The following NOS1AP variants were observed in gnomAD, a reference collection of about 807,000 sequenced individuals.
The protein encoded by NOS1AP is carboxyl-terminal PDZ ligand of neuronal nitric oxide synthase protein.
NOS1AP carries 21 observed loss-of-function variants against 56.2 expected under a neutral mutation model. That is an observed-to-expected ratio of 0.37 (90% CI 0.26 to 0.54). The LOEUF is 0.54. Among genes scored for constraint, NOS1AP ranks in the 20% least tolerant of loss-of-function variants. The pLI, the probability that NOS1AP is intolerant of heterozygous loss-of-function variation, is 0.84. For synonymous variants in NOS1AP, 270 were observed against 274.6 expected (o/e 0.98, Z 0.17); for missense variants, 522 against 657.8 (o/e 0.79, Z 2.26).
chr1:162,290,874 A>G (rs1015378482), intron 3 of NOS1AP, among the ~76,000 whole-genome samples: 1 of 152,178 alleles, frequency 6.6e-6, no homozygotes, highest in African/African-American at 2.4e-5. Flanking sequence ...TGCCTCTCTC[A>G]GCTTCAACTG....
chr1:162,140,065 G>A (rs1333755556), intron 1 of NOS1AP, among the ~76,000 whole-genome samples: 1 of 152,182 alleles, frequency 6.6e-6, no homozygotes, highest in African/African-American at 2.4e-5. Context: ...CTAGCCTCAA[G>A]TGATCCACCT....
At chr1:162,273,481 A>C (rs1325274660) in intron 2 of NOS1AP, among the ~76,000 whole-genome samples, 1 of 151,968 alleles carries the variant, frequency 6.6e-6, no homozygotes, top group Non-Finnish European at 1.5e-5. Flanking sequence ...TCTGTTCTTG[A>C]CCTGGGAACA....
chr1:162,143,559 A>T (rs995895495), intron 1 of NOS1AP, among the ~76,000 whole-genome samples: 2 of 152,162 alleles, frequency 1.3e-5, no homozygotes, highest in Non-Finnish European at 2.9e-5. Flanking sequence ...GGCTCAAGCG[A>T]TCCTCCCACC....
At chr1:162,181,911 A>G (rs1651277764) in intron 2 of NOS1AP, among the ~76,000 whole-genome samples, 1 of 152,244 alleles carries the variant, frequency 6.6e-6, no homozygotes, top group South Asian at 2.1e-4. Context: ...GGATGACCTA[A>G]GAAGGCCAGC....
At position 162,312,171 on chromosome 1, in the gene NOS1AP, A is replaced by G. The variant is rs1315559335; in HGVS notation, c.344+11465A>G. ...AGGAATCGCCACACTGATTTCCACAATGGTTGAACTAGTTTACAGTCCCAC... is the reference window on the plus strand; with the variant it reads ...AGGAATCGCCACACTGATTTCCACAGTGGTTGAACTAGTTTACAGTCCCAC... On this transcript the variant is annotated intron_variant, in intron 4 of 9. Transcript: ENST00000361897. Among the ~76,000 whole-genome samples, 4 of 148,996 alleles carry G rather than the reference A, an allele frequency of 2.7e-5. No homozygotes were observed. In the East Asian group the frequency reaches 5.9e-4, roughly 22 times the overall value.
chr1:162,125,542 G>A (rs949498460), intron 1 of NOS1AP, among the ~76,000 whole-genome samples: 1 of 152,036 alleles, frequency 6.6e-6, no homozygotes, highest in Non-Finnish European at 1.5e-5. Context: ...TCCTTTCCCC[G>A]AGGTATGTTT....
chr1:162,277,634 G>A (rs563980230), intron 2 of NOS1AP, among the ~76,000 whole-genome samples: 2 of 152,322 alleles, frequency 1.3e-5, no homozygotes, highest in Admixed American at 1.3e-4. Context: ...ACTTGGGAGA[G>A]CATAGGAAAA....
At chr1:162,203,374 C>T (rs1381312368) in intron 2 of NOS1AP, among the ~76,000 whole-genome samples, 1 of 152,176 alleles carries the variant, frequency 6.6e-6, no homozygotes, top group African/African-American at 2.4e-5. Context: ...GGTCTGTGCT[C>T]TAATTGCATT....
chr1:162,120,691 C>G (rs1212369767), intron 1 of NOS1AP, among the ~76,000 whole-genome samples: 1 of 152,192 alleles, frequency 6.6e-6, no homozygotes, highest in African/African-American at 2.4e-5. Context: ...GGAACCGCCC[C>G]CCCCATGATT....
intron 2 of NOS1AP, among the ~76,000 whole-genome samples, chr1:162,177,499 A>G (rs1445540628): frequency 6.6e-6 from 1 of 152,150 alleles, no homozygotes; most frequent in Non-Finnish European, 1.5e-5. Flanking sequence ...GGAACCAGCC[A>G]TGGGTCTGGG....
At chr1:162,106,324 A>G (rs977412301) in intron 1 of NOS1AP, among the ~76,000 whole-genome samples, 7 of 152,140 alleles carry the variant, frequency 4.6e-5, no homozygotes, top group African/African-American at 1.2e-4. Flanking sequence ...GTCAGTCCCA[A>G]TGTGAGAACT....
At chr1:162,300,854 G>C (rs1401316542) in intron 4 of NOS1AP, 148 bp downstream of exon 4, 8 of 700,756 alleles carry the variant, frequency 1.1e-5, no homozygotes, top group Admixed American at 4.2e-5. Context: ...CATTAGATGT[G>C]AGTTCAAGAA....
intron 1 of NOS1AP, among the ~76,000 whole-genome samples, chr1:162,146,493 C>G (rs1422026804): frequency 1.3e-5 from 2 of 152,036 alleles, no homozygotes; most frequent in Non-Finnish European, 2.9e-5. Context: ...TCTGGCTGTC[C>G]CCGTCTCTGG....
intron 2 of NOS1AP, among the ~76,000 whole-genome samples, chr1:162,191,170 T>C (rs1044503717): frequency 1.3e-5 from 2 of 152,178 alleles, no homozygotes; most frequent in Admixed American, 6.5e-5. Context: ...AGCTCTTCTG[T>C]TGGCCTCACT....
chr1:162,124,193 C>T (rs182898281), intron 1 of NOS1AP, among the ~76,000 whole-genome samples: 12 of 152,052 alleles, frequency 7.9e-5, no homozygotes, highest in Non-Finnish European at 1.6e-4. Flanking sequence ...CATTGTATAG[C>T]GGTGAAGTCT....
In NOS1AP at chr1:162,365,518, C is replaced by T. The variant is rs1331890162; in HGVS notation, c.1054C>T (p.Leu352=). ...GGACATGCTCCAGCACATCTCCCTG[C>T]TGGTCAAGCAGGTGCAAGAGCTGGA... ...NKDMLQHISL[L]VKQVQELELK... The change falls in exon 9 of 10, where the codon CTG becomes TTG. Residue 352 remains leucine (L), a synonymous_variant. Transcript: ENST00000361897. 2 of 1,613,638 alleles carry T rather than the reference C, an allele frequency of 1.2e-6. No individual in the cohort carries two copies. The highest frequency in any genetic ancestry group is 1.7e-6 in the Non-Finnish European group (2 of 1,180,042).
intron 4 of NOS1AP, among the ~76,000 whole-genome samples, chr1:162,330,303 A>G (rs921255238): frequency 6.6e-6 from 1 of 152,196 alleles, no homozygotes; most frequent in Non-Finnish European, 1.5e-5. Context: ...GGAACCTCCC[A>G]TGTGCCAATC....
At chr1:162,324,662 A>G (rs1216591589) in intron 4 of NOS1AP, among the ~76,000 whole-genome samples, 6 of 152,026 alleles carry the variant, frequency 3.9e-5, no homozygotes, top group East Asian at 1.9e-4. Context: ...ATAAAGATGC[A>G]TTTGTCTGGC....
At chr1:162,125,426 G>A (rs752612113) in intron 1 of NOS1AP, among the ~76,000 whole-genome samples, 2 of 152,124 alleles carry the variant, frequency 1.3e-5, no homozygotes, top group Non-Finnish European at 2.9e-5. Context: ...GAGCCACCGC[G>A]CCTGGCCTGA....
Sources: allele counts gnomAD v4.1 joint callset (sites outside exome capture counted in the v4.1 genomes callset), GRCh38; gene constraint gnomAD v4.1.1; transcripts MANE v1.5; gene names NCBI Gene and HGNC (gene_info 2026-07-23, HGNC 2026-07-21).